PVT1: variants seen among roughly 807,000 people sequenced by gnomAD.
The protein encoded by PVT1 is Pvt1 oncogene.
At chr8:128,065,531 C>A (rs546010550) in intron 4 of PVT1, among the ~76,000 whole-genome samples, 1 of 152,180 alleles carries the variant, frequency 6.6e-6, no homozygotes, top group South Asian at 2.1e-4. Context: ...GTTTTTTTCC[C>A]TTTGGTCCCT....
At chr8:128,028,113 C>T (rs1465172053) in intron 4 of PVT1, among the ~76,000 whole-genome samples, 1 of 152,252 alleles carries the variant, frequency 6.6e-6, no homozygotes, top group East Asian at 1.9e-4. Context: ...ACCTCGGTTT[C>T]AGGCCAACCA....
At chr8:128,050,644 G>T (rs893797935) in intron 4 of PVT1, among the ~76,000 whole-genome samples, 3 of 152,130 alleles carry the variant, frequency 2.0e-5, no homozygotes, top group Non-Finnish European at 4.4e-5. Flanking sequence ...ACAGTTGCTG[G>T]CTCTGTGACC....
intron 2 of PVT1, among the ~76,000 whole-genome samples, chr8:127,835,831 C>T (rs1457115885): frequency 6.6e-6 from 1 of 152,142 alleles, no homozygotes; most frequent in East Asian, 1.9e-4. Context: ...GTTAGATAGA[C>T]TATGCAGGCC....
At chr8:127,998,752 C>A (rs1359526423) in intron 4 of PVT1, among the ~76,000 whole-genome samples, 3 of 136,164 alleles carry the variant, frequency 2.2e-5, no homozygotes, top group African/African-American at 8.4e-5. Context: ...TTCTTCCTTT[C>A]TTTTCCTACC....
chr8:128,050,373 A>C (rs1480804665), intron 4 of PVT1, among the ~76,000 whole-genome samples: 1 of 152,140 alleles, frequency 6.6e-6, no homozygotes, highest in Non-Finnish European at 1.5e-5. Context: ...GCTCCGTGTC[A>C]CCCACAGGCT....
At chr8:127,923,470 T>C (rs1410302201) in intron 3 of PVT1, among the ~76,000 whole-genome samples, 1 of 152,138 alleles carries the variant, frequency 6.6e-6, no homozygotes, top group Non-Finnish European at 1.5e-5. Context: ...GAGGATGATT[T>C]GGGGGAGGCC....
chr8:127,861,577 A>G (rs1366483256), intron 2 of PVT1, among the ~76,000 whole-genome samples: 4 of 151,000 alleles, frequency 2.6e-5, no homozygotes, highest in African/African-American at 9.8e-5. Context: ...TTTTTAACTT[A>G]TATTATGACC....
chr8:127,890,013 G>A (rs1815581223), intron 2 of PVT1, among the ~76,000 whole-genome samples: 1 of 152,170 alleles, frequency 6.6e-6, no homozygotes, highest in South Asian at 2.1e-4. Flanking sequence ...GGAGAGTGCT[G>A]GGTACCTAGC....
At chr8:127,892,420 C>T (rs1049194675) in intron 3 of PVT1, among the ~76,000 whole-genome samples, 5 of 152,098 alleles carry the variant, frequency 3.3e-5, no homozygotes, top group Non-Finnish European at 5.9e-5. Flanking sequence ...GGTGACTCTC[C>T]GTGGTTTTCT....
At chr8:128,086,172 C>T (rs1163470210) in intron 5 of PVT1, among the ~76,000 whole-genome samples, 1 of 152,200 alleles carries the variant, frequency 6.6e-6, no homozygotes, top group Non-Finnish European at 1.5e-5. Context: ...AGCCCCATTT[C>T]TCTTTGGTTC....
intron 5 of PVT1, among the ~76,000 whole-genome samples, chr8:128,080,493 C>T (rs1291565492): frequency 6.6e-6 from 1 of 152,142 alleles, no homozygotes; most frequent in Non-Finnish European, 1.5e-5. Context: ...TGTTTATTTG[C>T]CATGTGTATA....
intron 4 of PVT1, among the ~76,000 whole-genome samples, chr8:128,037,233 A>G (rs1813474442): frequency 6.6e-6 from 1 of 152,200 alleles, no homozygotes; most frequent in Admixed American, 6.5e-5. Flanking sequence ...GGTCCATTTT[A>G]CAGTCTCCTC....
chr8:127,980,791 C>CTT (rs11361552), intron 3 of PVT1, among the ~76,000 whole-genome samples: 15 of 120,412 alleles, frequency 1.2e-4, no homozygotes, highest in East Asian at 5.1e-4. Flanking sequence ...ACTACAGCTT[C>CTT]TTTTTTTTTT....
intron 4 of PVT1, chr8:128,048,559 A>G (rs182720622): frequency 1.3e-5 from 2 of 152,346 alleles, no homozygotes; most frequent in East Asian, 3.9e-4. Flanking sequence ...GATTAAGTGG[A>G]TGTATGAGCC....
chr8:127,830,770 GC>G (rs954406755), intron 2 of PVT1, among the ~76,000 whole-genome samples: 13 of 152,240 alleles, frequency 8.5e-5, no homozygotes, highest in African/African-American at 2.9e-4. Context: ...GCTGGGGAAG[GC>G]AGACCCACCC....
intron 3 of PVT1, among the ~76,000 whole-genome samples, chr8:127,984,832 TTTTCTTTTCTTTCTTTCTTTCTTTC>T (rs1816926262): frequency 8.1e-6 from 1 of 123,620 alleles, no homozygotes; most frequent in Non-Finnish European, 1.8e-5. Flanking sequence ...GGTTTCTTTC[TTTTCTTTTCTTTCTTTCTTTCTTTC>T]TTTCTTTCTT....
chr8:127,858,238 C>T (rs764876709), intron 2 of PVT1, among the ~76,000 whole-genome samples: 6 of 151,894 alleles, frequency 4.0e-5, no homozygotes, highest in Non-Finnish European at 1.5e-5. Flanking sequence ...TATTTTGTGT[C>T]TCTATTGGAA....
chr8:128,051,350 C>T (rs905199786), intron 4 of PVT1, among the ~76,000 whole-genome samples: 1 of 152,164 alleles, frequency 6.6e-6, no homozygotes, highest in East Asian at 1.9e-4. Context: ...GGACTCTTCC[C>T]TTCAGATGGA....
intron 2 of PVT1, among the ~76,000 whole-genome samples, chr8:127,861,158 C>T (rs1168348090): frequency 6.6e-6 from 1 of 152,146 alleles, no homozygotes; most frequent in Non-Finnish European, 1.5e-5. Flanking sequence ...TTTTATTCCA[C>T]CCAGCCACCC....
Sources: gnomAD v4.1 joint callset for allele counts (sites outside exome capture counted in the v4.1 genomes callset) on GRCh38, gnomAD v4.1.1 for gene constraint, MANE v1.5 for transcripts, NCBI Gene and HGNC (gene_info 2026-07-23, HGNC 2026-07-21) for gene names.